Variants in DEK observed in about 807,000 individuals in gnomAD.
The protein encoded by DEK is protein DEK.
A neutral mutation model predicts 46.8 loss-of-function variants in DEK; 28 were observed. That is an observed-to-expected ratio of 0.60 (90% CI 0.44 to 0.82). DEK has a LOEUF of 0.82. DEK is among the 40% of genes least tolerant of loss of function. The pLI is 0.00. For missense variants in DEK, 416 were observed against 430.6 expected (o/e 0.97, Z 0.30); for synonymous variants, 160 against 144.5 (o/e 1.11, Z -0.77).
intron 9 of DEK, among the ~76,000 whole-genome samples, chr6:18,236,146 G>A (rs1043936150): frequency 2.0e-5 from 3 of 152,084 alleles, no homozygotes; most frequent in African/African-American, 4.8e-5. Context: ...CATAAACTAA[G>A]GATACATCAA....
intron 7 of DEK, among the ~76,000 whole-genome samples, chr6:18,248,377 T>C (rs75170380): frequency 0.03 from 4,617 of 152,274 alleles, 241 homozygotes; most frequent in African/African-American, 0.1. Context: ...TGGCACACAG[T>C]AGACACCAAA....
chr6:18,226,607 T>C (rs1226334233), intron 9 of DEK, among the ~76,000 whole-genome samples: 1 of 152,168 alleles, frequency 6.6e-6, no homozygotes, highest in Non-Finnish European at 1.5e-5. Context: ...TGGTGAGACC[T>C]TGTGTCTACA....
intron 9 of DEK, among the ~76,000 whole-genome samples, chr6:18,231,396 C>G (rs191051922): frequency 1.3e-5 from 2 of 151,882 alleles, no homozygotes; most frequent in Admixed American, 1.3e-4. Flanking sequence ...GACACAGACA[C>G]AAAAAAACCT....
At chr6:18,248,463 C>T (rs1196798669) in intron 7 of DEK, among the ~76,000 whole-genome samples, 2 of 152,036 alleles carry the variant, frequency 1.3e-5, no homozygotes, top group Non-Finnish European at 2.9e-5. Context: ...ACATGTTTTC[C>T]TCCCGGATAT....
Position 18,256,316 on chromosome 6 carries a change from T to G in DEK, c.452+45A>C. 4 of 1,508,200 alleles carry G rather than the reference T, an allele frequency of 2.7e-6. No homozygotes were observed. In the South Asian group the frequency reaches 3.5e-5, roughly 13 times the overall value. 93.4% of individuals were successfully genotyped at this position (1,508,200 alleles called of 1,614,324 possible). On this transcript the variant is annotated intron_variant, in intron 5 of 10. Coordinates refer to ENST00000652689, the MANE Select transcript of DEK (RefSeq NM_003472.4). ...TGTGATTTAACATTAAAAAATAAAC[T>G]TAAAGCATATTGATCAAAATACAGT...
chr6:18,264,239 G>A (rs1792010319), intron 1 of DEK, 146 bp downstream of exon 1: 3 of 287,474 alleles, frequency 1.0e-5, no homozygotes, highest in South Asian at 1.4e-4. Flanking sequence ...GCGCCCGCCC[G>A]GCCTGCGCTG....
At chr6:18,253,036 G>C (rs1791456602) in intron 6 of DEK, among the ~76,000 whole-genome samples, 1 of 151,880 alleles carries the variant, frequency 6.6e-6, no homozygotes, top group Non-Finnish European at 1.5e-5. Context: ...TTTTCTGAAG[G>C]AAAAGCATTT....
intron 1 of DEK, 124 bp downstream of exon 1, chr6:18,264,261 G>C (rs1172880054): frequency 4.5e-6 from 1 of 221,922 alleles, no homozygotes; most frequent in Non-Finnish European, 8.7e-6. Flanking sequence ...TCCCGGCCCG[G>C]CCCGAGCTGC....
chr6:18,228,741 C>A (rs1003759308), intron 9 of DEK, among the ~76,000 whole-genome samples: 3 of 152,244 alleles, frequency 2.0e-5, no homozygotes, highest in Non-Finnish European at 2.9e-5. Flanking sequence ...GCGCCTGGCT[C>A]GGAGAGTCCC....
chr6:18,246,361 T>A (rs1249337482), intron 7 of DEK, among the ~76,000 whole-genome samples: 1 of 152,226 alleles, frequency 6.6e-6, no homozygotes, highest in Non-Finnish European at 1.5e-5. Flanking sequence ...GATTTCTTTC[T>A]GAAGTTACTC....
At chr6:18,237,345 C>T in intron 8 of DEK, 36 bp downstream of exon 8, 2 of 1,573,544 alleles carry the variant, frequency 1.3e-6, no homozygotes, top group Middle Eastern at 1.8e-4. Flanking sequence ...TATGCTATAT[C>T]TTTAAAGTTG....
At chr6:18,236,405 G>A (rs372362254) in intron 9 of DEK, 47 bp downstream of exon 9, 1 of 1,583,352 alleles carries the variant, frequency 6.3e-7, no homozygotes, top group African/African-American at 1.4e-5. Flanking sequence ...ATAAGTGAAA[G>A]AATTTTTCTA....
intron 9 of DEK, among the ~76,000 whole-genome samples, chr6:18,234,933 C>A (rs1790583209): frequency 6.6e-6 from 1 of 152,168 alleles, no homozygotes; most frequent in Non-Finnish European, 1.5e-5. Context: ...CTCCTAATTG[C>A]AGACTCCAAA....
chr6:18,236,368 CGTAA>C, intron 9 of DEK, 80 bp downstream of exon 9: 1 of 1,435,614 alleles, frequency 7.0e-7, no homozygotes, highest in Non-Finnish European at 9.5e-7. Flanking sequence ...AGTGAATGCA[CGTAA>C]GTATTTAGCT....
In DEK at chr6:18,258,326, T is replaced by C; in HGVS notation, c.225A>G (p.Arg75=). ...TACCTTGTGCAATTGTAAATGGCTC[T>C]CTCTGTAAGGAAGAGACTTGCATTG... ...RLTMQVSSLQ[R]EPFTIAQGKG... is the part of the protein sequence containing the mutation. The change falls in exon 3 of 11, where the codon AGA becomes AGG. Residue 75 remains arginine (R), a synonymous_variant. Transcript: ENST00000652689. The C allele has an allele frequency of 6.2e-7, 1 of 1,612,008 alleles. No individual in the cohort carries two copies. The highest frequency in any genetic ancestry group is 1.1e-5 in the South Asian group (1 of 90,226).
intron 6 of DEK, among the ~76,000 whole-genome samples, chr6:18,253,326 C>T (rs1007729422): frequency 4.5e-4 from 69 of 152,228 alleles, no homozygotes; most frequent in African/African-American, 1.4e-3. Flanking sequence ...CAATGATAAA[C>T]GTTATGATTT....
At chr6:18,250,966 G>C (rs1456439485) in intron 6 of DEK, among the ~76,000 whole-genome samples, 3 of 152,068 alleles carry the variant, frequency 2.0e-5, no homozygotes, top group Non-Finnish European at 4.4e-5. Flanking sequence ...ATGAAACTAA[G>C]AATATGCTGC....
At chr6:18,228,887 G>A (rs867557508) in intron 9 of DEK, among the ~76,000 whole-genome samples, 3 of 152,196 alleles carry the variant, frequency 2.0e-5, no homozygotes, top group Non-Finnish European at 4.4e-5. Flanking sequence ...GCTCGAACTG[G>A]GTGGAGCCCA....
Position 18,258,064 on chromosome 6 carries a change from T to C in DEK, c.248-2A>G. On this transcript the variant is annotated splice_acceptor_variant, in intron 3 of 10. Coordinates refer to ENST00000652689, the MANE Select transcript of DEK (RefSeq NM_003472.4). LOFTEE classifies it high-confidence loss of function. The stretch of plus-strand genomic sequence containing the variant: ...TTTCACAAAGTTTCTGCCCCTTTCC[T>C]GGGGAAAAAAAAAAATCACAATTAA... 3 of 1,578,266 alleles carry C rather than the reference T, an allele frequency of 1.9e-6. No individual in the cohort carries two copies. Among genetic ancestry groups the C allele is most frequent in the Non-Finnish European group, 2.6e-6 (3 of 1,164,546 alleles).
Sources: allele counts gnomAD v4.1 joint callset (sites outside exome capture counted in the v4.1 genomes callset), GRCh38; gene constraint gnomAD v4.1.1; transcripts MANE v1.5; gene names NCBI Gene and HGNC (gene_info 2026-07-23, HGNC 2026-07-21).